Variants in CTDP1 observed in about 807,000 individuals in gnomAD.
The protein encoded by CTDP1 is CTD phosphatase 1.
In CTDP1, 47 loss-of-function variants were observed where a neutral mutation model predicts 91.8. The observed-to-expected ratio is 0.51, with a 90% confidence interval of 0.41 to 0.65. The LOEUF is 0.65. CTDP1 is among the 30% of genes least tolerant of loss of function. The probability of loss-of-function intolerance (pLI) is 0.00; values close to 1 mark genes in which losing one functional copy is unlikely to be tolerated. For synonymous variants in CTDP1, 656 were observed against 598.5 expected (o/e 1.10, Z -1.40); for missense variants, 1,272 against 1,373.7 (o/e 0.93, Z 1.17).
intron 12 of CTDP1, among the ~76,000 whole-genome samples, chr18:79,737,580 G>A (rs571009496): frequency 6.6e-6 from 1 of 152,214 alleles, no homozygotes; most frequent in East Asian, 1.9e-4. Context: ...CTTTTCTCAG[G>A]TTGGTCGATG....
intron 12 of CTDP1, among the ~76,000 whole-genome samples, chr18:79,749,025 T>C (rs559239114): frequency 1.3e-5 from 2 of 152,368 alleles, no homozygotes; most frequent in Non-Finnish European, 2.9e-5. Context: ...TGCCAAGTTA[T>C]GCTGGCGTTT....
intron 11 of CTDP1, among the ~76,000 whole-genome samples, chr18:79,730,119 A>C (rs927553511): frequency 6.6e-6 from 1 of 152,202 alleles, no homozygotes. Context: ...TCTTGTGAGG[A>C]TCAGACCCTT....
At chr18:79,679,278 TG>T (rs1400940429), upstream of CTDP1, 3 of 391,546 alleles carry the variant, frequency 7.7e-6, no homozygotes, top group Non-Finnish European at 1.6e-5. Flanking sequence ...TCCCGCGGCG[TG>T]GGGTCCGGGG....
At chr18:79,723,482 C>A (rs1375758222) in intron 10 of CTDP1, among the ~76,000 whole-genome samples, 1 of 152,204 alleles carries the variant, frequency 6.6e-6, no homozygotes, top group Non-Finnish European at 1.5e-5. Flanking sequence ...AGTCTTTGAA[C>A]GTTGTACGTT....
Position 79,754,013 on chromosome 18 carries a change from G to C in CTDP1, c.*223G>C, listed in dbSNP as rs1366151299. 1 of 642,976 alleles carries C rather than the reference G, an allele frequency of 1.6e-6. No individual in the cohort carries two copies. The highest frequency in any genetic ancestry group is 2.9e-5 in the Admixed American group (1 of 34,988). 39.8% of individuals were successfully genotyped at this position (642,976 alleles called of 1,614,324 possible). On this transcript the variant is annotated 3_prime_UTR_variant, in exon 13 of 13. Coordinates refer to ENST00000613122, the MANE Select transcript of CTDP1 (RefSeq NM_004715.5). ...GTAAGTGACAGGTGTTAAAGGCCCA[G>C]GTGTGCTGTGCCAAAGAGCTCAGCA...
chr18:79,719,890 GTGA>G (rs1489260920), intron 10 of CTDP1, among the ~76,000 whole-genome samples: 67 of 144,088 alleles, frequency 4.6e-4, no homozygotes, highest in Non-Finnish European at 5.6e-4. Flanking sequence ...AGGTGTCCTG[GTGA>G]TGATGTCACC....
intron 12 of CTDP1, among the ~76,000 whole-genome samples, chr18:79,739,723 A>G (rs965544513): frequency 1.3e-5 from 2 of 152,132 alleles, no homozygotes; most frequent in African/African-American, 2.4e-5. Flanking sequence ...AGGAGAATAA[A>G]GTGTCCTGGG....
chr18:79,705,915 C>T (rs957602042), intron 5 of CTDP1, among the ~76,000 whole-genome samples: 3 of 152,184 alleles, frequency 2.0e-5, no homozygotes, highest in Non-Finnish European at 4.4e-5. Context: ...TGCATAGCTG[C>T]CTGAGACAGA....
intron 1 of CTDP1, among the ~76,000 whole-genome samples, chr18:79,693,004 G>A (rs549556129): frequency 1.3e-5 from 2 of 152,344 alleles, no homozygotes; most frequent in African/African-American, 4.8e-5. Flanking sequence ...GGGCCGCAGA[G>A]CCCTGTGGAT....
intron 4 of CTDP1, among the ~76,000 whole-genome samples, chr18:79,701,013 T>C (rs567531209): frequency 2.0e-5 from 3 of 152,348 alleles, no homozygotes; most frequent in African/African-American, 4.8e-5. Context: ...CTGACCATTC[T>C]AAGCCCGCTC....
intron 12 of CTDP1, among the ~76,000 whole-genome samples, chr18:79,753,254 G>A (rs1039082502): frequency 6.6e-6 from 1 of 152,262 alleles, no homozygotes; most frequent in Non-Finnish European, 1.5e-5. Context: ...CCAGACCGTG[G>A]CCCACTTGAT....
intron 11 of CTDP1, among the ~76,000 whole-genome samples, chr18:79,734,724 C>T (rs1270292549): frequency 1.3e-5 from 2 of 152,238 alleles, no homozygotes; most frequent in East Asian, 3.8e-4. Flanking sequence ...GTTAAAGGCC[C>T]TAAGTATTTC....
At chr18:79,677,279 G>A (rs1044003937), upstream of CTDP1, 5 of 152,350 alleles carry the variant, frequency 3.3e-5, no homozygotes, top group East Asian at 9.6e-4. Flanking sequence ...GAAAACTTTA[G>A]AAACATTAAA....
chr18:79,706,620 G>A (rs1027439512), intron 5 of CTDP1, among the ~76,000 whole-genome samples: 1 of 151,966 alleles, frequency 6.6e-6, no homozygotes, highest in African/African-American at 2.4e-5. Context: ...TTTACATACC[G>A]TTCTTTTCAC....
rs182644569 is a variant in CTDP1, at chr18:79,711,893, G to A, written c.864-1079G>A. On this transcript the variant is annotated intron_variant, in intron 6 of 12. Coordinates refer to ENST00000613122, the MANE Select transcript of CTDP1 (RefSeq NM_004715.5). ...TTTCCCCATTTCCACCCGGAAGTCC[G>A]TCCTTGCTGATGTAACACCATGTCA... 4.0e-5 allele frequency among the ~76,000 whole-genome samples: 6 copies of A among 151,750 alleles called. No homozygotes were observed. The East Asian group carries it at 9.8e-4, about 25-fold the overall frequency.
intron 5 of CTDP1, among the ~76,000 whole-genome samples, chr18:79,709,680 G>A (rs1053479653): frequency 2.6e-4 from 39 of 152,296 alleles, no homozygotes; most frequent in South Asian, 4.1e-4. Flanking sequence ...GTGGTGTCCC[G>A]GATGTCCTTC....
At chr18:79,734,883 C>T (rs1435970459) in intron 11 of CTDP1, among the ~76,000 whole-genome samples, 2 of 152,174 alleles carry the variant, frequency 1.3e-5, no homozygotes, top group Non-Finnish European at 2.9e-5. Flanking sequence ...TGCCAGCGTC[C>T]CTGGGAACAT....
intron 10 of CTDP1, among the ~76,000 whole-genome samples, chr18:79,718,394 C>T (rs548714487): frequency 1.3e-5 from 2 of 152,332 alleles, no homozygotes; most frequent in East Asian, 1.9e-4. Context: ...TGCTCTCCGC[C>T]GGCTCCACGT....
chr18:79,686,598 A>G (rs1265426872), intron 1 of CTDP1, among the ~76,000 whole-genome samples: 1 of 152,276 alleles, frequency 6.6e-6, no homozygotes, highest in Non-Finnish European at 1.5e-5. Context: ...AACTTAACTC[A>G]TTTAATATTT....
Sources: allele counts gnomAD v4.1 joint callset (sites outside exome capture counted in the v4.1 genomes callset), GRCh38; gene constraint gnomAD v4.1.1; transcripts MANE v1.5; gene names NCBI Gene and HGNC (gene_info 2026-07-23, HGNC 2026-07-21).